The following PCDHGB3 variants were observed in gnomAD, a reference collection of about 807,000 sequenced individuals.
The protein encoded by PCDHGB3 is protocadherin gamma-B3.
Under a neutral mutation model 59.2 loss-of-function variants are expected in PCDHGB3, and 40 were observed. The ratio of observed to expected loss-of-function variants is 0.68; its 90% confidence interval spans 0.52 to 0.88. The LOEUF is 0.88. Ranked by LOEUF, PCDHGB3 falls within the 40% of genes least tolerant of loss-of-function variation. The probability of loss-of-function intolerance (pLI) is 0.00; values close to 1 mark genes in which losing one functional copy is unlikely to be tolerated. For missense variants in PCDHGB3, 1,309 were observed against 1,187.9 expected, an observed-to-expected ratio of 1.10 and a Z score of -1.50; for synonymous variants, 581 against 503.6, an observed-to-expected ratio of 1.15 and a Z score of -2.06.
At chr5:141,494,522 G>C (rs2099754911) in intron 1 of PCDHGB3, among the ~76,000 whole-genome samples, 1 of 152,196 alleles carries the variant, frequency 6.6e-6, no homozygotes, top group Non-Finnish European at 1.5e-5. Flanking sequence ...CAGGAGTTCT[G>C]ACTCTGGGGG....
intron 1 of PCDHGB3, chr5:141,409,635 AC>A: frequency 6.2e-7 from 1 of 1,613,784 alleles, no homozygotes; most frequent in Non-Finnish European, 8.5e-7. Context: ...AGCGCCTCTG[AC>A]CCGGATTTGG....
chr5:141,394,132 T>C, intron 1 of PCDHGB3: 1 of 1,613,980 alleles, frequency 6.2e-7, no homozygotes, highest in Non-Finnish European at 8.5e-7. Flanking sequence ...CAAATCGCTC[T>C]GCACGTGGCA....
At chr5:141,500,369 C>T (rs1034629981) in intron 2 of PCDHGB3, among the ~76,000 whole-genome samples, 4 of 151,866 alleles carry the variant, frequency 2.6e-5, no homozygotes, top group Admixed American at 6.6e-5. Flanking sequence ...CTACCACGCC[C>T]GGCTAATTAT....
chr5:141,372,605 T>A lies in PCDHGB3; in HGVS notation c.2211T>A (p.Pro737=). 6.2e-7 allele frequency: 1 copy of A among 1,614,050 alleles called. No individual in the cohort carries two copies. Among genetic ancestry groups the A allele is most frequent in the Non-Finnish European group, 8.5e-7 (1 of 1,179,894 alleles). Residue 737 remains proline (P), a synonymous_variant, in exon 1 of 4, where the codon CCT becomes CCA. Coordinates refer to ENST00000576222, the MANE Select transcript of PCDHGB3 (RefSeq NM_018924.5). ...CTGGTGTCTGCTTCAAGACTGTACC[T>A]GGAGTTCTCCCCACCTACAGCGAAA... is the stretch of plus-strand genomic sequence containing the variant. ...FQPGVCFKTV[P]GVLPTYSERT...
Position 141,494,872 on chromosome 5 carries a change from G to A in PCDHGB3, c.2474+7G>A. On this transcript the variant is annotated splice_region_variant and intron_variant, in intron 2 of 3. Transcript: ENST00000576222. ...AGAGACCCGGCACCAGCGGGTAGGT[G>A]ACTGATTCTCCAGCCCACCCTCTTC... 1 of 1,614,128 alleles carries A rather than the reference G, an allele frequency of 6.2e-7. No individual in the cohort carries two copies. Among genetic ancestry groups the A allele is most frequent in the South Asian group, 1.1e-5 (1 of 91,074 alleles).
At chr5:141,463,900 C>G (rs879243077) in intron 1 of PCDHGB3, among the ~76,000 whole-genome samples, 4 of 152,168 alleles carry the variant, frequency 2.6e-5, no homozygotes, top group Admixed American at 2.6e-4. Context: ...GCTTTTTGTA[C>G]TAATAATATA....
At chr5:141,468,154 G>A (rs1374898668) in intron 1 of PCDHGB3, among the ~76,000 whole-genome samples, 2 of 151,838 alleles carry the variant, frequency 1.3e-5, no homozygotes, top group African/African-American at 2.4e-5. Flanking sequence ...GTGAAACCCT[G>A]TCTCTGCTAA....
At chr5:141,426,946 C>T (rs565370434) in intron 1 of PCDHGB3, 5 of 456,668 alleles carry the variant, frequency 1.1e-5, no homozygotes, top group Non-Finnish European at 2.2e-5. Context: ...CCAGTCCCAA[C>T]TGGCACTGCT....
intron 1 of PCDHGB3, chr5:141,408,156 T>C: frequency 6.6e-7 from 1 of 1,512,436 alleles, no homozygotes; most frequent in Non-Finnish European, 8.9e-7. Context: ...TAGAGTGCAC[T>C]TTCTCCAACT....
At chr5:141,409,097 G>C in intron 1 of PCDHGB3, 1 of 1,613,958 alleles carries the variant, frequency 6.2e-7, no homozygotes, top group Non-Finnish European at 8.5e-7. Context: ...TGAGAAAACA[G>C]GTATGATTAA....
Position 141,393,456 on chromosome 5 carries a change from T to A in PCDHGB3, c.2415+20647T>A. ...TGCTCACCACCTGGTCCTCACGGCC[T>A]CGGATGGCGGCAAGCCGCCTCGCTC... On this transcript the variant is annotated intron_variant, in intron 1 of 3. Coordinates refer to ENST00000576222, the MANE Select transcript of PCDHGB3 (RefSeq NM_018924.5). 1 of 1,614,026 alleles carries A rather than the reference T, an allele frequency of 6.2e-7. No individual in the cohort carries two copies. Among genetic ancestry groups the A allele is most frequent in the African/African-American group, 1.3e-5 (1 of 75,058 alleles).
intron 1 of PCDHGB3, among the ~76,000 whole-genome samples, chr5:141,469,403 C>T (rs902543178): frequency 4.6e-5 from 7 of 152,060 alleles, no homozygotes; most frequent in South Asian, 2.1e-4. Context: ...GGTGAAACCC[C>T]GTTTCTACTA....
At chr5:141,452,635 T>C (rs1426970634) in intron 1 of PCDHGB3, among the ~76,000 whole-genome samples, 1 of 152,086 alleles carries the variant, frequency 6.6e-6, no homozygotes, top group Non-Finnish European at 1.5e-5. Context: ...GCTATGAATA[T>C]ATTTACTCAT....
chr5:141,421,515 CTG>C, intron 1 of PCDHGB3: 1 of 1,614,080 alleles, frequency 6.2e-7, no homozygotes, highest in Non-Finnish European at 8.5e-7. Context: ...GGGAGGAGCT[CTG>C]TGAGACGGTG....
At position 141,376,090 on chromosome 5, in the gene PCDHGB3, C is replaced by G. The variant is rs372887480; in HGVS notation, c.2415+3281C>G. ...CCGTGGCCGTGGCCGACAGGATCCC[C>G]GACATCCTGGCCGACCTGGGCAGCC... On this transcript the variant is annotated intron_variant, in intron 1 of 3. Coordinates refer to ENST00000576222, the MANE Select transcript of PCDHGB3 (RefSeq NM_018924.5). 107 of 1,613,674 alleles carry G rather than the reference C, an allele frequency of 6.6e-5. No homozygotes were observed. In the African/African-American group the frequency reaches 1.2e-3, roughly 18 times the overall value.
chr5:141,399,356 A>G, intron 1 of PCDHGB3: 1 of 1,614,010 alleles, frequency 6.2e-7, no homozygotes, highest in Non-Finnish European at 8.5e-7. Flanking sequence ...GACCGAGAGC[A>G]AACCCCGGAG....
rs371130763 is a variant in PCDHGB3 at position 141,432,970 on chromosome 5, G to A, written c.2415+60161G>A. The A allele has an allele frequency of 5.0e-6, 8 of 1,613,996 alleles. No homozygotes were observed. Among genetic ancestry groups the A allele is most frequent in the East Asian group, 4.5e-5 (2 of 44,868 alleles). ...GAGGCGGCTTGACAGGAGCGCCGGC[G>A]TCGCACTTTGTGGGCGTGGACGGGG... On this transcript the variant is annotated intron_variant, in intron 1 of 3. Transcript: ENST00000576222. The surrounding 1 kb of genome is among the most constrained non-coding windows in gnomAD (Gnocchi z 6.0).
intron 1 of PCDHGB3, chr5:141,419,742 T>C (rs1388509503): frequency 2.5e-5 from 41 of 1,613,742 alleles, no homozygotes; most frequent in Non-Finnish European, 3.5e-5. Context: ...GAGGTGCGCA[T>C]GGTGCGTGCT....
intron 1 of PCDHGB3, chr5:141,374,063 G>T: frequency 6.7e-7 from 1 of 1,496,072 alleles, no homozygotes; most frequent in Non-Finnish European, 8.9e-7. Flanking sequence ...TAATCCCAGA[G>T]AAGTTCCTAA....
Sources: gnomAD v4.1 joint callset for allele counts (sites outside exome capture counted in the v4.1 genomes callset) on GRCh38, gnomAD v4.1.1 for gene constraint, Gnocchi (gnomAD v3.1) non-coding constraint, MANE v1.5 for transcripts, NCBI Gene and HGNC (gene_info 2026-07-23, HGNC 2026-07-21) for gene names.